EXT1: variants seen among roughly 807,000 people sequenced by gnomAD.
EXT1 encodes the protein exostosin-1.
EXT1 carries 20 observed loss-of-function variants against 82.5 expected under a neutral mutation model. That is an observed-to-expected ratio of 0.24 (90% CI 0.17 to 0.35). The LOEUF (loss-of-function observed/expected upper bound fraction) is 0.35. Among genes scored for constraint, EXT1 ranks in the 10% least tolerant of loss-of-function variants. The probability of loss-of-function intolerance (pLI) is 1.00; values close to 1 mark genes in which losing one functional copy is unlikely to be tolerated. For missense variants in EXT1, 757 were observed against 936.5 expected (o/e 0.81, Z 2.50); for synonymous variants, 348 against 350.8 (o/e 0.99, Z 0.09).
chr8:117,887,294 A>G (rs1001265682), intron 1 of EXT1, among the ~76,000 whole-genome samples: 1 of 152,168 alleles, frequency 6.6e-6, no homozygotes, highest in Non-Finnish European at 1.5e-5. Flanking sequence ...GAAATTTTCC[A>G]AAAATATTTT....
chr8:117,964,883 C>T (rs901153111), intron 1 of EXT1, among the ~76,000 whole-genome samples: 2 of 152,126 alleles, frequency 1.3e-5, no homozygotes, highest in Non-Finnish European at 2.9e-5. Context: ...GGTGATCTGC[C>T]CGCCTTGGCC....
At chr8:117,915,873 A>ACAAAACAAAG (rs1455620049) in intron 1 of EXT1, among the ~76,000 whole-genome samples, 1 of 151,946 alleles carries the variant, frequency 6.6e-6, no homozygotes, top group Non-Finnish European at 1.5e-5. Context: ...ACAAAACAAA[A>ACAAAACAAAG]CAAAACAAAA....
intron 1 of EXT1, among the ~76,000 whole-genome samples, chr8:118,080,820 G>A (rs1433012152): frequency 6.6e-6 from 1 of 152,148 alleles, no homozygotes; most frequent in African/African-American, 2.4e-5. Flanking sequence ...TACTATGAGA[G>A]GCACTTCAAT....
intron 1 of EXT1, among the ~76,000 whole-genome samples, chr8:118,103,778 T>A (rs1817764519): frequency 6.6e-6 from 1 of 152,168 alleles, no homozygotes; most frequent in Admixed American, 6.5e-5. Context: ...ACAAGCAGAA[T>A]CTACATAGAA....
At position 117,879,834 on chromosome 8, in the gene EXT1, C is replaced by T. The variant is rs138632153; in HGVS notation, c.963-42633G>A. On this transcript the variant is annotated intron_variant, in intron 1 of 10. Coordinates refer to ENST00000378204, the MANE Select transcript of EXT1 (RefSeq NM_000127.3). The stretch of plus-strand genomic sequence containing the variant: ...AAACAGATTTGAGTTGGTATTATTT[C>T]AGCCACTTTGGAAACAGCCTACCAC... Among the ~76,000 whole-genome samples, 265 of 152,310 alleles carry T rather than the reference C, an allele frequency of 1.7e-3. 2 individuals are homozygous for T. The highest frequency in any genetic ancestry group is 5.7e-3 in the African/African-American group (236 of 41,576).
intron 7 of EXT1, among the ~76,000 whole-genome samples, chr8:117,815,856 G>A (rs1811802572): frequency 6.6e-6 from 1 of 151,844 alleles, no homozygotes; most frequent in Non-Finnish European, 1.5e-5. Flanking sequence ...CTTGAACCCA[G>A]GAGGCGGAGA....
At chr8:117,892,453 T>C (rs970708228) in intron 1 of EXT1, among the ~76,000 whole-genome samples, 2 of 152,210 alleles carry the variant, frequency 1.3e-5, no homozygotes, top group Non-Finnish European at 2.9e-5. Context: ...TGGAGAATAC[T>C]TGTCAACTGG....
At position 118,082,135 on chromosome 8, in the gene EXT1, A is replaced by T. The variant is rs1005659849; in HGVS notation, c.962+27950T>A. Among the ~76,000 whole-genome samples, 12 of 152,330 alleles carry T rather than the reference A, an allele frequency of 7.9e-5. No individual in the cohort carries two copies. The South Asian group carries it at 2.5e-3, about 32-fold the overall frequency. On this transcript the variant is annotated intron_variant, in intron 1 of 10. Coordinates refer to ENST00000378204, the MANE Select transcript of EXT1 (RefSeq NM_000127.3). ...TCATTGACTCCATTACAGAGAACTGATGGCAACATGTGACCTCAGACTAGG... is the reference window on the plus strand; with the variant it reads ...TCATTGACTCCATTACAGAGAACTGTTGGCAACATGTGACCTCAGACTAGG...
intron 9 of EXT1, 82 bp downstream of exon 9, chr8:117,807,135 A>G (rs1319732199): frequency 6.5e-7 from 1 of 1,549,390 alleles, no homozygotes; most frequent in Non-Finnish European, 8.9e-7. Flanking sequence ...TGTTAACAAG[A>G]TTTGGCCTTA....
chr8:117,915,855 C>CAAACAAAACAAAACAAAACA lies in EXT1; in HGVS notation c.963-78674_963-78655dup, dbSNP rs60869745. Among the ~76,000 whole-genome samples the CAAACAAAACAAAACAAAACA allele has an allele frequency of 3.3e-3, 487 of 148,836 alleles. 4 individuals carry two copies. The highest frequency in any genetic ancestry group is 7.5e-3 in the East Asian group (37 of 4,954). ...TGGGTGACAGAGCGAGACTCTGTCT[C>CAAACAAAACAAAACAAAACA]AAACAAAACAAAACAAAACAAAACA... On this transcript the variant is annotated intron_variant, in intron 1 of 10. Coordinates refer to ENST00000378204, the MANE Select transcript of EXT1 (RefSeq NM_000127.3).
intron 1 of EXT1, among the ~76,000 whole-genome samples, chr8:118,101,324 AG>A (rs1334833594): frequency 3.3e-5 from 5 of 152,192 alleles, no homozygotes; most frequent in African/African-American, 4.8e-5. Flanking sequence ...AGAAGACAAA[AG>A]GGTACACAAA....
At chr8:117,969,251 C>T (rs1252563755) in intron 1 of EXT1, among the ~76,000 whole-genome samples, 2 of 152,178 alleles carry the variant, frequency 1.3e-5, no homozygotes, top group Non-Finnish European at 2.9e-5. Context: ...TCCTTTTATA[C>T]TATTTTAAGA....
intron 1 of EXT1, among the ~76,000 whole-genome samples, chr8:118,095,004 T>A (rs894803260): frequency 7.2e-5 from 11 of 152,152 alleles, no homozygotes; most frequent in Non-Finnish European, 1.3e-4. Flanking sequence ...TGAGCAAACA[T>A]ACAACACACA....
intron 1 of EXT1, among the ~76,000 whole-genome samples, chr8:118,089,489 C>T (rs1204726331): frequency 1.1e-4 from 17 of 152,100 alleles, no homozygotes; most frequent in Non-Finnish European, 2.9e-5. Flanking sequence ...TGCCATGATC[C>T]TGTTTTCAAG....
intron 8 of EXT1, among the ~76,000 whole-genome samples, chr8:117,811,618 A>ATTT (rs111956885): frequency 2.1e-5 from 3 of 143,052 alleles, no homozygotes; most frequent in East Asian, 2.0e-4. Context: ...CATCTATGGA[A>ATTT]TTTTTTTTTT....
chr8:117,840,681 T>A (rs1378971424), intron 1 of EXT1, among the ~76,000 whole-genome samples: 1 of 150,762 alleles, frequency 6.6e-6, no homozygotes, highest in African/African-American at 2.4e-5. Context: ...GACTTTCATC[T>A]AGAATACATA....
chr8:117,837,736 A>G (rs1434125665), intron 1 of EXT1, among the ~76,000 whole-genome samples: 2 of 152,170 alleles, frequency 1.3e-5, no homozygotes, highest in African/African-American at 4.8e-5. Context: ...AAGAACGTTC[A>G]GTTACCCAGG....
At chr8:117,905,019 T>C (rs1456610212) in intron 1 of EXT1, among the ~76,000 whole-genome samples, 1 of 152,132 alleles carries the variant, frequency 6.6e-6, no homozygotes, top group Non-Finnish European at 1.5e-5. Flanking sequence ...TATGCCTCAA[T>C]TAAAAAAGCT....
chr8:117,951,249 T>C (rs1055468089), intron 1 of EXT1, among the ~76,000 whole-genome samples: 15 of 152,166 alleles, frequency 9.9e-5, no homozygotes, highest in Middle Eastern at 3.2e-3. Context: ...CTGAAATGAT[T>C]TGTATATTTC....
Sources: allele counts gnomAD v4.1 joint callset (sites outside exome capture counted in the v4.1 genomes callset), GRCh38; gene constraint gnomAD v4.1.1; transcripts MANE v1.5; gene names NCBI Gene and HGNC (gene_info 2026-07-23, HGNC 2026-07-21).